C5orf63: variants seen among roughly 807,000 people sequenced by gnomAD.
C5orf63 encodes the protein chromosome 5 open reading frame 63.
C5orf63 carries 18 observed loss-of-function variants against 13.3 expected under a neutral mutation model. That is an observed-to-expected ratio of 1.36 (90% CI 0.94 to 2.01). The LOEUF (loss-of-function observed/expected upper bound fraction) is 2.01, where lower values mean the gene tolerates loss of function less well. Among genes scored for constraint, C5orf63 ranks in the 30% most tolerant of loss-of-function variants. The pLI is 0.00. For synonymous variants in C5orf63, 38 were observed against 44.7 expected, an observed-to-expected ratio of 0.85 and a Z score of 0.60; for missense variants, 118 against 127.7, an observed-to-expected ratio of 0.92 and a Z score of 0.36.
At chr5:127,042,635 A>G (rs1048211867), downstream of C5orf63, 4 of 151,454 alleles carry the variant, frequency 2.6e-5, no homozygotes, top group Admixed American at 2.6e-4. Flanking sequence ...AACCAGTCAG[A>G]ATATTAAAAA....
chr5:127,069,471 G>C (rs1754453647), intron 2 of C5orf63, among the ~76,000 whole-genome samples: 1 of 152,168 alleles, frequency 6.6e-6, no homozygotes, highest in Non-Finnish European at 1.5e-5. Flanking sequence ...CCCAGGCAAT[G>C]TCTTCTCTTT....
chr5:127,060,966 T>C lies in C5orf63; in HGVS notation c.-7-1964A>G, dbSNP rs114412770. On this transcript the variant is annotated intron_variant, in intron 2 of 4. Transcript: ENST00000296662. Reference sequence around the variant, plus strand: ...CCCTGTATCTCCAAGTACCCACAATTAACCTGGCACATAATAGGCACTCAA... The same window carrying C: ...CCCTGTATCTCCAAGTACCCACAATCAACCTGGCACATAATAGGCACTCAA... Among the ~76,000 whole-genome samples, 590 of 152,296 alleles carry C rather than the reference T, an allele frequency of 3.9e-3. 2 individuals are homozygous for C. Among genetic ancestry groups the C allele is most frequent in the African/African-American group, 0.014 (570 of 41,568 alleles).
At chr5:127,061,787 C>G (rs901446347) in intron 2 of C5orf63, among the ~76,000 whole-genome samples, 2 of 152,148 alleles carry the variant, frequency 1.3e-5, no homozygotes, top group Admixed American at 1.3e-4. Flanking sequence ...TGGAAAGTCT[C>G]TATGCTAATG....
chr5:127,051,011 A>T (rs899782217), downstream of C5orf63, among the ~76,000 whole-genome samples: 1 of 152,222 alleles, frequency 6.6e-6, no homozygotes, highest in East Asian at 1.9e-4. Flanking sequence ...ACTTTTTCCA[A>T]GATATTAAAA....
intron 3 of C5orf63, among the ~76,000 whole-genome samples, chr5:127,053,344 A>G (rs1753755857): frequency 6.6e-6 from 1 of 151,770 alleles, no homozygotes; most frequent in African/African-American, 2.4e-5. Flanking sequence ...AATACTATGG[A>G]TCGTCGGCAG....
Position 127,052,622 on chromosome 5 carries a change from A to G in C5orf63, c.162T>C (p.Tyr54=), listed in dbSNP as rs1050714516. The change falls in exon 4 of 5, where the codon TAT becomes TAC. Residue 54 remains tyrosine, a synonymous_variant. Coordinates refer to ENST00000296662, the MANE Select transcript of C5orf63 (RefSeq NM_001164478.2). The part of the protein sequence containing the change: ...CDEAKEVLKP[Y]ENRFILQEVN... ...CACTGTATTATATTACCCTGTTTTC[A>G]TAAGGCTTGAGTACTTCCTTGGCTT... The G allele has an allele frequency of 4.7e-6, 7 of 1,503,482 alleles. No individual in the cohort carries two copies. Among genetic ancestry groups the G allele is most frequent in the Admixed American group, 4.7e-5 (2 of 42,562 alleles). 93.1% of individuals were successfully genotyped at this position (1,503,482 alleles called of 1,614,324 possible). A position where few individuals can be genotyped will look rare whatever the true frequency, so the allele number is the denominator to read the frequency against.
downstream of C5orf63, chr5:127,051,217 G>T: frequency 1.2e-6 from 1 of 865,520 alleles, no homozygotes. Context: ...CTTTGGCTAG[G>T]ATAATAATTC....
At chr5:127,072,092 G>C (rs185682909) in intron 1 of C5orf63, 32 of 152,338 alleles carry the variant, frequency 2.1e-4, no homozygotes, top group Admixed American at 2.0e-3. Flanking sequence ...TGTGGCTACT[G>C]CTGCCAGAGC....
At chr5:127,056,580 A>G (rs1016717434) in intron 3 of C5orf63, 1 of 152,206 alleles carries the variant, frequency 6.6e-6, no homozygotes, top group Non-Finnish European at 1.5e-5. Context: ...ACTCACCCCC[A>G]TAATTCAATC....
chr5:127,060,661 C>T (rs1031104805), intron 2 of C5orf63, among the ~76,000 whole-genome samples: 2 of 152,252 alleles, frequency 1.3e-5, no homozygotes, highest in African/African-American at 2.4e-5. Flanking sequence ...GTTGCAACTG[C>T]AAAGTTTCTC....
At chr5:127,042,651 AT>A (rs1039396347), downstream of C5orf63, 1 of 151,940 alleles carries the variant, frequency 6.6e-6, no homozygotes, top group Non-Finnish European at 1.5e-5. Flanking sequence ...AAAAAAAAAA[AT>A]CAATGAAAAG....
intron 3 of C5orf63, among the ~76,000 whole-genome samples, chr5:127,054,310 C>A (rs1330069987): frequency 6.6e-6 from 1 of 152,210 alleles, no homozygotes; most frequent in Non-Finnish European, 1.5e-5. Context: ...GGAATCGCCA[C>A]ACTGTTTTCC....
intron 3 of C5orf63, 53 bp from the exon 4 acceptor site, chr5:127,052,722 C>T: frequency 7.2e-7 from 1 of 1,380,482 alleles, no homozygotes; most frequent in Non-Finnish European, 9.4e-7. Flanking sequence ...GGCATTTGCC[C>T]TTACAAAAAC....
At chr5:127,060,608 T>C (rs1336792836) in intron 2 of C5orf63, among the ~76,000 whole-genome samples, 1 of 152,264 alleles carries the variant, frequency 6.6e-6, no homozygotes. Context: ...TTACTGTATC[T>C]CTGCAACTTC....
chr5:127,053,703 G>A (rs773642474), intron 3 of C5orf63, among the ~76,000 whole-genome samples: 1 of 152,122 alleles, frequency 6.6e-6, no homozygotes, highest in Non-Finnish European at 1.5e-5. Flanking sequence ...CTGTCCATGC[G>A]ACAGTTTGCT....
chr5:127,058,730 G>A, intron 3 of C5orf63, 152 bp downstream of exon 3: 1 of 596,582 alleles, frequency 1.7e-6, no homozygotes, highest in Non-Finnish European at 3.0e-6. Context: ...AGGTATCTGG[G>A]TAGAAAACTG....
intron 2 of C5orf63, among the ~76,000 whole-genome samples, chr5:127,066,063 G>C (rs1436522255): frequency 6.6e-6 from 1 of 152,080 alleles, no homozygotes; most frequent in Non-Finnish European, 1.5e-5. Context: ...AGCAGGTGTT[G>C]TTTGCACTGG....
At chr5:127,068,261 G>T (rs984478277) in intron 2 of C5orf63, among the ~76,000 whole-genome samples, 2 of 152,084 alleles carry the variant, frequency 1.3e-5, no homozygotes, top group African/African-American at 2.4e-5. Flanking sequence ...ACTAAATAAG[G>T]CCTTGAATAA....
intron 2 of C5orf63, among the ~76,000 whole-genome samples, chr5:127,070,370 T>C (rs1474158097): frequency 6.6e-6 from 1 of 152,218 alleles, no homozygotes; most frequent in African/African-American, 2.4e-5. Context: ...TCCCCATTAT[T>C]TCATGATTAA....
Sources: gnomAD v4.1 joint callset for allele counts (sites outside exome capture counted in the v4.1 genomes callset) on GRCh38, gnomAD v4.1.1 for gene constraint, MANE v1.5 for transcripts, NCBI Gene and HGNC (gene_info 2026-07-23, HGNC 2026-07-21) for gene names.